SPAG1: variants seen among roughly 807,000 people sequenced by gnomAD.
SPAG1 encodes sperm-associated antigen 1.
A neutral mutation model predicts 100.5 loss-of-function variants in SPAG1; 69 were observed. The observed-to-expected ratio is 0.69, with a 90% CI of 0.57 to 0.84. The LOEUF is 0.84. SPAG1 is among the 40% of genes least tolerant of loss of function. The pLI is 0.00. For synonymous variants in SPAG1, 336 were observed against 411.6 expected, an observed-to-expected ratio of 0.82 and a Z score of 2.22; for missense variants, 955 against 1,133.1, an observed-to-expected ratio of 0.84 and a Z score of 2.26.
At position 100,220,285 on chromosome 8, in the gene SPAG1, G is replaced by A. The variant is rs117747863; in HGVS notation, c.1542G>A (p.Leu514=). 3.6e-3 allele frequency: 5,775 copies of A among 1,607,124 alleles called. 16 individuals carry two copies. The highest frequency in any genetic ancestry group is 4.1e-3 in the Non-Finnish European group (4,817 of 1,178,216). Residue 514 remains leucine, a synonymous_variant, in exon 13 of 19, where the codon CTG becomes CTA. Coordinates refer to ENST00000388798, the MANE Select transcript of SPAG1 (RefSeq NM_003114.5). ...ATATTTTTGTCTTCTTTAGGGCTCT[G>A]GAACTTCATCCATTCTCTATGAAAC... The part of the protein sequence containing the change: ...SGCIQDCNRA[L]ELHPFSMKPL...
rs111985140 is a variant in SPAG1 at position 100,212,923 on chromosome 8, C to T, written c.1097-167C>T. 4.9e-3 allele frequency among the ~76,000 whole-genome samples: 743 copies of T among 152,264 alleles called. 10 individuals are homozygous for T. Among genetic ancestry groups the T allele is most frequent in the African/African-American group, 0.017 (722 of 41,528 alleles). On this transcript the variant is annotated intron_variant, in intron 10 of 18. Transcript: ENST00000388798. ...GCCTCGAGGGAGCGGACTGGGCCGA[C>T]TGGCTCTAGAGGTCCGGCAGCACAG...
chr8:100,175,035 A>G (rs969885680), intron 3 of SPAG1, among the ~76,000 whole-genome samples: 1 of 146,288 alleles, frequency 6.8e-6, no homozygotes, highest in East Asian at 2.0e-4. Context: ...CGTAATGGCT[A>G]TTCACAGGCA....
chr8:100,237,681 CT>C (rs896573494), intron 16 of SPAG1, among the ~76,000 whole-genome samples: 1 of 152,168 alleles, frequency 6.6e-6, no homozygotes, highest in Non-Finnish European at 1.5e-5. Context: ...GCCTCGCCCC[CT>C]CTTAGCTGCC....
chr8:100,165,231 C>T (rs942142988), intron 2 of SPAG1: 1 of 517,458 alleles, frequency 1.9e-6, no homozygotes, highest in African/African-American at 1.9e-5. Context: ...TTAACAACTT[C>T]CATCACGACT....
chr8:100,190,126 C>T (rs1294190484), intron 8 of SPAG1, among the ~76,000 whole-genome samples: 1 of 151,874 alleles, frequency 6.6e-6, no homozygotes, highest in Non-Finnish European at 1.5e-5. Flanking sequence ...CTGGCTAACA[C>T]GGTGAAACCC....
At chr8:100,197,162 A>G (rs1817068171) in intron 10 of SPAG1, among the ~76,000 whole-genome samples, 1 of 152,132 alleles carries the variant, frequency 6.6e-6, no homozygotes. Flanking sequence ...TCTGATAGAA[A>G]GAATATAATT....
At position 100,231,149 on chromosome 8, in the gene SPAG1, C is replaced by G. The variant is rs755633669; in HGVS notation, c.1856-7C>G. The G allele has an allele frequency of 6.3e-7, 1 of 1,590,336 alleles. No homozygotes were observed. The highest frequency in any genetic ancestry group is 1.1e-5 in the South Asian group (1 of 87,110). On this transcript the variant is annotated splice_region_variant and splice_polypyrimidine_tract_variant and intron_variant, in intron 14 of 18. Transcript: ENST00000388798. ...TACTTCCTCTTCTTTGTTTTTTTGT[C>G]CCATAGATGAAAAAACATTTAAAGC...
At chr8:100,178,403 G>A (rs576133586) in intron 4 of SPAG1, among the ~76,000 whole-genome samples, 2 of 151,804 alleles carry the variant, frequency 1.3e-5, no homozygotes, top group African/African-American at 4.8e-5. Context: ...TTTAGTGCAT[G>A]TTTTTTCCTC....
At chr8:100,221,933 T>A (rs2132394291) in intron 13 of SPAG1, among the ~76,000 whole-genome samples, 1 of 152,370 alleles carries the variant, frequency 6.6e-6, no homozygotes, top group South Asian at 2.1e-4. Flanking sequence ...ACAGGGAACC[T>A]GTCTGATCCC....
intron 16 of SPAG1, among the ~76,000 whole-genome samples, chr8:100,237,754 T>C (rs1016865912): frequency 6.6e-6 from 1 of 152,144 alleles, no homozygotes; most frequent in Non-Finnish European, 1.5e-5. Flanking sequence ...TTGTCTGCAG[T>C]GCTAACACTT....
At chr8:100,231,961 CA>C (rs528009916) in intron 15 of SPAG1, among the ~76,000 whole-genome samples, 604 of 137,390 alleles carry the variant, frequency 4.4e-3, no homozygotes, top group Admixed American at 6.9e-3. Flanking sequence ...GACTCTGTCT[CA>C]AAAAAAAAAA....
intron 13 of SPAG1, among the ~76,000 whole-genome samples, chr8:100,222,206 C>T (rs893614526): frequency 6.6e-6 from 1 of 152,154 alleles, no homozygotes. Flanking sequence ...AACTACTTGC[C>T]CTGATCCACT....
Position 100,191,909 on chromosome 8 carries a change from T to C in SPAG1, c.939+413T>C, listed in dbSNP as rs115201420. The stretch of plus-strand genomic sequence containing the variant: ...TGAGCAGACTGACTCAGTTATACAC[T>C]TAGGGGATCTGTATTCACGCCTAAA... On this transcript the variant is annotated intron_variant, in intron 9 of 18. Transcript: ENST00000388798. Among the ~76,000 whole-genome samples, 1,030 of 152,220 alleles carry C rather than the reference T, an allele frequency of 6.8e-3. 13 individuals are homozygous for C. The highest frequency in any genetic ancestry group is 0.023 in the African/African-American group (964 of 41,540).
intron 12 of SPAG1, among the ~76,000 whole-genome samples, chr8:100,217,796 T>C (rs992905474): frequency 1.3e-5 from 2 of 152,314 alleles, no homozygotes; most frequent in South Asian, 2.1e-4. Context: ...CTTTTCTTTT[T>C]TTTTGAGACA....
chr8:100,239,199 T>G lies in SPAG1; in HGVS notation c.2116-41T>G. ...CCCACTCAGGTTACTCTAGGCTCCT[T>G]CTATTTATGAAAGTTATTTTCTCTG... On this transcript the variant is annotated intron_variant, in intron 16 of 18. Transcript: ENST00000388798. This position sits in a 1 kb window ranked among gnomAD's most constrained non-coding sequence, Gnocchi z 5.0. 7.4e-7 allele frequency: 1 copy of G among 1,350,656 alleles called. No individual in the cohort carries two copies. Among genetic ancestry groups the G allele is most frequent in the Admixed American group, 2.5e-5 (1 of 40,718 alleles). The allele number at this position is 1,350,656 out of a possible 1,614,324, so 83.7% of individuals were successfully genotyped here. A position where few individuals can be genotyped will look rare whatever the true frequency, so the allele number is the denominator to read the frequency against.
chr8:100,170,917 G>A (rs184453096), intron 3 of SPAG1, among the ~76,000 whole-genome samples: 39 of 151,764 alleles, frequency 2.6e-4, no homozygotes, highest in Admixed American at 7.2e-4. Flanking sequence ...GCAGATCCTC[G>A]CCTATTTCCC....
At chr8:100,209,633 T>C (rs35312791) in intron 10 of SPAG1, among the ~76,000 whole-genome samples, 68,246 of 151,244 alleles carry the variant, frequency 0.45, 16,446 homozygotes, top group African/African-American at 0.62. Context: ...CAATAAGTCT[T>C]CCTATGATTA....
At chr8:100,214,535 A>G (rs780526850) in intron 12 of SPAG1, among the ~76,000 whole-genome samples, 1 of 152,138 alleles carries the variant, frequency 6.6e-6, no homozygotes, top group African/African-American at 2.4e-5. Flanking sequence ...CTACACTGAC[A>G]CTCGGTCACA....
At chr8:100,202,763 G>C (rs1015624817) in intron 10 of SPAG1, among the ~76,000 whole-genome samples, 20 of 148,888 alleles carry the variant, frequency 1.3e-4, no homozygotes, top group Non-Finnish European at 2.2e-4. Context: ...TAGATGTATG[G>C]GTTTACTTAT....
Sources: allele counts gnomAD v4.1 joint callset (sites outside exome capture counted in the v4.1 genomes callset), GRCh38; gene constraint gnomAD v4.1.1; non-coding constraint Gnocchi (gnomAD v3.1); transcripts MANE v1.5; gene names NCBI Gene and HGNC (gene_info 2026-07-23, HGNC 2026-07-21).